GAPVD1: variants seen among roughly 807,000 people sequenced by gnomAD.
The protein encoded by GAPVD1 is GTPase-activating protein and VPS9 domain-containing protein 1.
Under a neutral mutation model 155.5 loss-of-function variants are expected in GAPVD1, and 35 were observed. The observed-to-expected ratio is 0.23, with a 90% CI of 0.17 to 0.30. The LOEUF (loss-of-function observed/expected upper bound fraction) is 0.30. GAPVD1 is among the 10% of genes least tolerant of loss of function. GAPVD1 has a pLI of 1.00. For missense variants in GAPVD1, 1,429 were observed against 1,775.7 expected, an observed-to-expected ratio of 0.80 and a Z score of 3.51; for synonymous variants, 636 against 619.7, an observed-to-expected ratio of 1.03 and a Z score of -0.39.
chr9:125,278,830 G>C (rs1287414173), intron 2 of GAPVD1, among the ~76,000 whole-genome samples: 2 of 150,530 alleles, frequency 1.3e-5, no homozygotes, highest in Non-Finnish European at 3.0e-5. Flanking sequence ...GCAAGATGCT[G>C]TCTGGAAAAA....
At position 125,263,968 on chromosome 9, in the gene GAPVD1, C is replaced by G; in HGVS notation, c.-199+2009C>G. 8 of 1,399,382 alleles carry G rather than the reference C, an allele frequency of 5.7e-6. 1 individual carries two copies. The South Asian group carries it at 9.3e-5, about 16-fold the overall frequency. The allele number at this position is 1,399,382 out of a possible 1,614,324, so 86.7% of individuals were successfully genotyped here. On this transcript the variant is annotated intron_variant, in intron 1 of 27. Coordinates refer to ENST00000297933, the MANE Select transcript of GAPVD1 (RefSeq NM_001282680.3). Reference sequence around the variant, plus strand: ...GAGACTTGAGAGACTGCATGGCCTTCATGACATGAAGGTTGGGCACGTTCT... The same window carrying G: ...GAGACTTGAGAGACTGCATGGCCTTGATGACATGAAGGTTGGGCACGTTCT...
At chr9:125,321,360 G>A (rs1844313979) in intron 9 of GAPVD1, 73 bp from the exon 10 acceptor site, 3 of 1,013,736 alleles carry the variant, frequency 3.0e-6, no homozygotes, top group Admixed American at 2.0e-5. Flanking sequence ...AGTTAAATAT[G>A]CATTTGCTGT....
chr9:125,299,384 G>A (rs970318765), intron 4 of GAPVD1, among the ~76,000 whole-genome samples: 9 of 152,156 alleles, frequency 5.9e-5, no homozygotes, highest in East Asian at 1.9e-4. Context: ...TTGGCTGGGC[G>A]TGGTGGCTCA....
intron 20 of GAPVD1, among the ~76,000 whole-genome samples, chr9:125,348,037 A>ATATATG (rs974903618): frequency 4.3e-4 from 65 of 152,104 alleles, no homozygotes; most frequent in African/African-American, 1.4e-3. Context: ...GTGTGTGTAT[A>ATATATG]TATATATGTT....
At position 125,341,178 on chromosome 9, in the gene GAPVD1, C is replaced by T. The variant is rs1278689127; in HGVS notation, c.2879C>T (p.Thr960Ile). 6.4e-7 allele frequency: 1 copy of T among 1,563,636 alleles called. No homozygotes were observed. The highest frequency in any genetic ancestry group is 8.8e-7 in the Non-Finnish European group (1 of 1,133,838). Residue 960 changes from threonine to isoleucine, a missense_variant and splice_region_variant, in exon 18 of 28, where the codon ACT becomes ATT. Physicochemically the swap from Thr to Ile is moderately conservative, Grantham distance 89 (BLOSUM62 -1). Around this residue, in one of 4 missense-constraint regions of GAPVD1, gnomAD observed 699 missense variants for 826.0 expected, o/e 0.85. Coordinates refer to ENST00000297933, the MANE Select transcript of GAPVD1 (RefSeq NM_001282680.3). ...SPSKDSSRGE[T>I]EERKDSDDEK... is the part of the protein sequence containing the mutation. Reference sequence around the variant, plus strand: ...TAAAGCCTCCAACTTTTTCTACAGACTGAAGAACGCAAAGATAGCGATGAT... The same window carrying T: ...TAAAGCCTCCAACTTTTTCTACAGATTGAAGAACGCAAAGATAGCGATGAT...
chr9:125,280,432 A>G (rs930924054), intron 2 of GAPVD1, among the ~76,000 whole-genome samples: 4 of 149,306 alleles, frequency 2.7e-5, no homozygotes, highest in Non-Finnish European at 5.9e-5. Flanking sequence ...AATAAATGAG[A>G]CCATCCATGA....
At chr9:125,311,273 CTCTT>C (rs1265276684) in intron 8 of GAPVD1, among the ~76,000 whole-genome samples, 2 of 152,118 alleles carry the variant, frequency 1.3e-5, no homozygotes, top group Non-Finnish European at 1.5e-5. Context: ...TAAATTTTCT[CTCTT>C]TTATCTTTGA....
intron 2 of GAPVD1, among the ~76,000 whole-genome samples, chr9:125,282,144 T>C (rs1300902768): frequency 6.6e-6 from 1 of 152,084 alleles, no homozygotes; most frequent in Non-Finnish European, 1.5e-5. Flanking sequence ...CTGGGCATAG[T>C]GGCGTATGCC....
At chr9:125,320,169 TCTTC>T (rs778932010) in intron 9 of GAPVD1, among the ~76,000 whole-genome samples, 43 of 152,304 alleles carry the variant, frequency 2.8e-4, no homozygotes, top group Non-Finnish European at 4.9e-4. Flanking sequence ...AGGGTACTAT[TCTTC>T]CTTCATATTT....
At chr9:125,349,268 TCCAGAGAAC>T in intron 20 of GAPVD1, 113 bp from the exon 21 acceptor site, 1 of 781,246 alleles carries the variant, frequency 1.3e-6, no homozygotes, top group Non-Finnish European at 2.0e-6. Flanking sequence ...TTCTTTTTTT[TCCAGAGAAC>T]TCTTATTATT....
At chr9:125,278,394 G>A (rs1440403789) in intron 2 of GAPVD1, among the ~76,000 whole-genome samples, 2 of 152,098 alleles carry the variant, frequency 1.3e-5, no homozygotes, top group Non-Finnish European at 1.5e-5. Context: ...GGTAGTGGGT[G>A]CTGGTAATCC....
intron 6 of GAPVD1, among the ~76,000 whole-genome samples, chr9:125,306,941 G>A (rs761126076): frequency 2.4e-4 from 37 of 152,244 alleles, no homozygotes; most frequent in Non-Finnish European, 4.4e-4. Flanking sequence ...ACCAGTCTGG[G>A]CAACATGGTG....
At chr9:125,324,423 T>C (rs1844838346) in intron 11 of GAPVD1, among the ~76,000 whole-genome samples, 1 of 152,064 alleles carries the variant, frequency 6.6e-6, no homozygotes, top group Admixed American at 6.6e-5. Flanking sequence ...AAAGCCCGTC[T>C]CTACTGAAAA....
intron 2 of GAPVD1, among the ~76,000 whole-genome samples, chr9:125,292,824 T>C (rs1838832998): frequency 2.0e-5 from 3 of 152,172 alleles, no homozygotes; most frequent in Non-Finnish European, 4.4e-5. Flanking sequence ...GGAGTATTAA[T>C]TAAGGGGAGT....
At chr9:125,346,770 G>A (rs1410797884) in intron 19 of GAPVD1, 49 bp from the exon 20 acceptor site, 1 of 1,427,622 alleles carries the variant, frequency 7.0e-7, no homozygotes, top group African/African-American at 1.4e-5. Flanking sequence ...AACATCAGAG[G>A]TGGTACAAAC....
intron 27 of GAPVD1, among the ~76,000 whole-genome samples, chr9:125,361,523 T>TAA (rs879540261): frequency 7.0e-6 from 1 of 142,588 alleles, no homozygotes; most frequent in African/African-American, 2.6e-5. Context: ...GACTCCATCT[T>TAA]AAAAAAAAAA....
intron 2 of GAPVD1, among the ~76,000 whole-genome samples, chr9:125,283,598 A>G (rs1227065886): frequency 6.6e-6 from 1 of 152,066 alleles, no homozygotes; most frequent in Non-Finnish European, 1.5e-5. Flanking sequence ...CCTGGGCTCA[A>G]GTGGTCCTCT....
intron 2 of GAPVD1, among the ~76,000 whole-genome samples, chr9:125,269,468 G>A (rs980715627): frequency 1.3e-5 from 2 of 151,336 alleles, no homozygotes; most frequent in African/African-American, 4.9e-5. Context: ...TTAAGTAATC[G>A]TTTTCAGGAT....
intron 24 of GAPVD1, among the ~76,000 whole-genome samples, chr9:125,355,384 G>T (rs1009549578): frequency 1.3e-5 from 2 of 152,180 alleles, no homozygotes; most frequent in Non-Finnish European, 2.9e-5. Context: ...GATTACAGGC[G>T]TGAGCCACTG....
Sources: allele counts gnomAD v4.1 joint callset (sites outside exome capture counted in the v4.1 genomes callset), GRCh38; gene constraint gnomAD v4.1.1; regional missense constraint gnomAD v4.1.1; transcripts MANE v1.5; gene names NCBI Gene and HGNC (gene_info 2026-07-23, HGNC 2026-07-21).